Variants in SPATA17 observed in about 807,000 individuals in gnomAD.
SPATA17 encodes the protein spermatogenesis-associated protein 17.
In SPATA17, 53 loss-of-function variants were observed where a neutral mutation model predicts 62.2. The ratio of observed to expected loss-of-function variants is 0.85; its 90% CI spans 0.68 to 1.07. SPATA17 has a LOEUF of 1.07. Among genes scored for constraint, SPATA17 ranks in the 50% least tolerant of loss-of-function variants. The pLI is 0.00. For missense variants in SPATA17, 466 were observed against 425.5 expected, an observed-to-expected ratio of 1.10 and a Z score of -0.84; for synonymous variants, 146 against 146.8, an observed-to-expected ratio of 0.99 and a Z score of 0.04.
intron 10 of SPATA17, among the ~76,000 whole-genome samples, chr1:217,865,252 G>A (rs983541397): frequency 1.3e-5 from 2 of 152,136 alleles, no homozygotes; most frequent in African/African-American, 2.4e-5. Context: ...TCAGCTCCAA[G>A]GTAGTTCATC....
At chr1:217,766,537 G>A (rs1439908382) in intron 6 of SPATA17, among the ~76,000 whole-genome samples, 2 of 151,460 alleles carry the variant, frequency 1.3e-5, no homozygotes, top group South Asian at 4.2e-4. Flanking sequence ...TTATACATAA[G>A]CATTTATATG....
chr1:217,859,094 TATAG>T (rs1472580843), intron 9 of SPATA17, among the ~76,000 whole-genome samples: 5 of 147,456 alleles, frequency 3.4e-5, no homozygotes, highest in Non-Finnish European at 6.0e-5. Context: ...TAGAAAATTA[TATAG>T]AGAGAAATGT....
chr1:217,774,579 C>T, intron 7 of SPATA17, 42 bp downstream of exon 7: 1 of 1,568,738 alleles, frequency 6.4e-7, no homozygotes, highest in Non-Finnish European at 8.7e-7. Flanking sequence ...TAATTTTATT[C>T]TTGCTATTTT....
intron 5 of SPATA17, among the ~76,000 whole-genome samples, chr1:217,709,216 A>G (rs1248736642): frequency 6.6e-6 from 1 of 152,136 alleles, no homozygotes; most frequent in Non-Finnish European, 1.5e-5. Flanking sequence ...CTGTGTAGGA[A>G]ATTATACTCA....
intron 9 of SPATA17, among the ~76,000 whole-genome samples, chr1:217,834,751 T>C (rs1264213703): frequency 6.6e-6 from 1 of 152,094 alleles, no homozygotes; most frequent in African/African-American, 2.4e-5. Flanking sequence ...AAGATAAATA[T>C]TTTTATAAAT....
intron 9 of SPATA17, chr1:217,850,570 T>G: frequency 6.3e-7 from 1 of 1,595,596 alleles, no homozygotes. Context: ...TTTTCGATGG[T>G]GTCACTGGGC....
chr1:217,657,605 A>T (rs569921252), intron 3 of SPATA17, among the ~76,000 whole-genome samples: 16 of 152,210 alleles, frequency 1.1e-4, no homozygotes, highest in African/African-American at 1.7e-4. Flanking sequence ...CTGCTGCATA[A>T]TTTTTTTGAT....
intron 8 of SPATA17, among the ~76,000 whole-genome samples, chr1:217,795,524 T>C (rs751801292): frequency 3.4e-4 from 51 of 151,892 alleles, no homozygotes; most frequent in Non-Finnish European, 1.5e-5. Context: ...TGCCCACCAC[T>C]ACACCTGGCT....
chr1:217,707,278 T>G (rs1671758502), intron 5 of SPATA17, among the ~76,000 whole-genome samples: 1 of 152,190 alleles, frequency 6.6e-6, no homozygotes, highest in Non-Finnish European at 1.5e-5. Context: ...ATTGATTTTG[T>G]ACCCTGAAAC....
rs1367187024 is a variant in SPATA17, at chr1:217,646,702, C to T, written c.69-2180C>T. ...ACGAGATCAGGAGTTCAAGACCAGC[C>T]TGGCCAATATGGTGAAACCCTGTCT... On this transcript the variant is annotated intron_variant, in intron 1 of 10. Coordinates refer to ENST00000366933, the MANE Select transcript of SPATA17 (RefSeq NM_138796.4). 2.6e-5 allele frequency among the ~76,000 whole-genome samples: 4 copies of T among 151,998 alleles called. No individual in the cohort carries two copies. The East Asian group carries it at 7.7e-4, about 29-fold the overall frequency.
intron 8 of SPATA17, among the ~76,000 whole-genome samples, chr1:217,792,649 A>G (rs558218460): frequency 3.3e-5 from 5 of 152,360 alleles, no homozygotes; most frequent in Admixed American, 1.3e-4. Flanking sequence ...TGTGTTAACA[A>G]ATTTGCTCAC....
intron 9 of SPATA17, among the ~76,000 whole-genome samples, chr1:217,830,643 A>G (rs567902451): frequency 1.0e-3 from 159 of 152,110 alleles, no homozygotes; most frequent in Non-Finnish European, 1.8e-3. Flanking sequence ...TTACACATTC[A>G]TATTTATTCT....
chr1:217,736,077 G>A (rs1308978771), intron 5 of SPATA17, among the ~76,000 whole-genome samples: 1 of 151,442 alleles, frequency 6.6e-6, no homozygotes, highest in Non-Finnish European at 1.5e-5. Flanking sequence ...TTCTCCTTTG[G>A]TACAGACATT....
intron 6 of SPATA17, among the ~76,000 whole-genome samples, chr1:217,748,464 C>A (rs979544600): frequency 6.6e-6 from 1 of 151,884 alleles, no homozygotes; most frequent in Non-Finnish European, 1.5e-5. Context: ...AAAATTTTGG[C>A]CAGGTGCAGT....
chr1:217,754,332 CT>C (rs1483449883), intron 6 of SPATA17, among the ~76,000 whole-genome samples: 1 of 152,076 alleles, frequency 6.6e-6, no homozygotes, highest in Non-Finnish European at 1.5e-5. Context: ...AGAGATTAAG[CT>C]TTAGGTGGTT....
intron 5 of SPATA17, among the ~76,000 whole-genome samples, chr1:217,714,847 G>T (rs1199070468): frequency 6.6e-6 from 1 of 152,114 alleles, no homozygotes; most frequent in Non-Finnish European, 1.5e-5. Flanking sequence ...TCTGACAGAA[G>T]GATTTATCTA....
At chr1:217,794,976 ATTATGATTTCTCT>A (rs1454081503) in intron 8 of SPATA17, among the ~76,000 whole-genome samples, 2 of 152,190 alleles carry the variant, frequency 1.3e-5, no homozygotes, top group African/African-American at 4.8e-5. Context: ...AATGAAGTCA[ATTATGATTTCTCT>A]TTGATGTTTA....
At chr1:217,786,750 T>TTTCTTCCTC (rs1673874241) in intron 8 of SPATA17, among the ~76,000 whole-genome samples, 2 of 107,436 alleles carry the variant, frequency 1.9e-5, no homozygotes, top group African/African-American at 7.1e-5. Flanking sequence ...TGATATTCTC[T>TTTCTTCCTC]TTCTTCTTCT....
In SPATA17 at chr1:217,868,664, G is replaced by GTTTTT. The variant is rs34123629; in HGVS notation, c.*1667_*1671dup. 1.1e-5 allele frequency: 1 copy of GTTTTT among 88,238 alleles called. No individual in the cohort carries two copies. The allele number at this position is 88,238 out of a possible 1,614,324, so 5.5% of individuals were successfully genotyped here. On this transcript the variant is annotated 3_prime_UTR_variant, in exon 11 of 11. Coordinates refer to ENST00000366933, the MANE Select transcript of SPATA17 (RefSeq NM_138796.4). ...TAAACCAGAAAGTATCTGAGACAAT[G>GTTTTT]TTTTTTTTTTTTTTTTTTTTTTTTT...
Sources: allele counts gnomAD v4.1 joint callset (sites outside exome capture counted in the v4.1 genomes callset), GRCh38; gene constraint gnomAD v4.1.1; transcripts MANE v1.5; gene names NCBI Gene and HGNC (gene_info 2026-07-23, HGNC 2026-07-21).